The following PDE6G variants were observed in gnomAD, a reference collection of about 807,000 sequenced individuals.
PDE6G encodes the protein phosphodiesterase 6G.
A neutral mutation model predicts 10.9 loss-of-function variants in PDE6G; 10 were observed. The observed-to-expected ratio is 0.91, with a 90% CI of 0.56 to 1.55. The LOEUF (loss-of-function observed/expected upper bound fraction) is 1.55, where lower values mean the gene tolerates loss of function less well. PDE6G is among the 40% of genes most tolerant of loss of function. The probability of loss-of-function intolerance (pLI) is 0.00; values close to 1 mark genes in which losing one functional copy is unlikely to be tolerated. For synonymous variants in PDE6G, 41 were observed against 42.8 expected (o/e 0.96, Z 0.16); for missense variants, 102 against 110.1 (o/e 0.93, Z 0.33).
rs1210238041 is a variant in PDE6G at position 81,653,500 on chromosome 17, C to T, written c.-59-136G>A. 1 of 629,962 alleles carries T rather than the reference C, an allele frequency of 1.6e-6. No homozygotes were observed. The highest frequency in any genetic ancestry group is 2.8e-6 in the Non-Finnish European group (1 of 362,068). 39.0% of individuals were successfully genotyped at this position (629,962 alleles called of 1,614,324 possible). ...CATCCAGACAGCAGCCCCTGCAATCCGCCCTGGGGTAACCAGCCTGCCAGC... is the reference window on the plus strand; with the variant it reads ...CATCCAGACAGCAGCCCCTGCAATCTGCCCTGGGGTAACCAGCCTGCCAGC... On this transcript the variant is annotated intron_variant, in intron 1 of 3. Transcript: ENST00000331056. The surrounding 1 kb of genome is among the most constrained non-coding windows in gnomAD (Gnocchi z 5.2).
At chr17:81,660,667 T>A (rs2036502128), upstream of PDE6G, among the ~76,000 whole-genome samples, 2 of 152,288 alleles carry the variant, frequency 1.3e-5, no homozygotes, top group East Asian at 1.9e-4. Context: ...AATTTTTGTA[T>A]TTTTTGTAAA....
chr17:81,656,668 G>T, upstream of PDE6G: 1 of 703,206 alleles, frequency 1.4e-6, no homozygotes, highest in Non-Finnish European at 2.6e-6. Context: ...AGGGGATGGA[G>T]AGGAGGGGCT....
At chr17:81,659,500 G>A (rs1158550993), upstream of PDE6G, among the ~76,000 whole-genome samples, 1 of 151,980 alleles carries the variant, frequency 6.6e-6, no homozygotes, top group East Asian at 1.9e-4. Flanking sequence ...CAGGGAGGCT[G>A]CGGCAGGAGA....
chr17:81,653,802 G>GT lies in PDE6G; in HGVS notation c.-59-439dup, dbSNP rs1034076776. 5.5e-4 allele frequency: 90 copies of GT among 163,342 alleles called. 1 individual carries two copies. Among genetic ancestry groups the GT allele is most frequent in the South Asian group, 2.0e-3 (12 of 6,144 alleles). 10.1% of individuals were successfully genotyped at this position (163,342 alleles called of 1,614,324 possible). A position where few individuals can be genotyped will look rare whatever the true frequency, so the allele number is the denominator to read the frequency against. ...CGTCGGCATTTAACTGCTACTCTGG[G>GT]TTTTTTTTTGTTTTGTTTTGTTTTT... On this transcript the variant is annotated intron_variant, in intron 1 of 3. Transcript: ENST00000331056. This position sits in a 1 kb window ranked among gnomAD's most constrained non-coding sequence, Gnocchi z 5.2.
chr17:81,653,376 C>A lies in PDE6G; in HGVS notation c.-59-12G>T. 1 of 1,569,770 alleles carries A rather than the reference C, an allele frequency of 6.4e-7. No individual in the cohort carries two copies. Among genetic ancestry groups the A allele is most frequent in the Non-Finnish European group, 8.6e-7 (1 of 1,156,394 alleles). On this transcript the variant is annotated splice_polypyrimidine_tract_variant and intron_variant, in intron 1 of 3. Transcript: ENST00000331056. The surrounding 1 kb of genome is among the most constrained non-coding windows in gnomAD (Gnocchi z 5.2). The stretch of plus-strand genomic sequence containing the variant: ...CCTCCTGCTGCGGTCTGGGGGCAGA[C>A]CAGGCCCGGGTCCCAGTCAGCCCTC...
rs1598716876 is a variant in PDE6G, at chr17:81,651,523, G to A, written c.187+122C>T. The A allele has an allele frequency of 1.2e-6, 1 of 829,760 alleles. No individual in the cohort carries two copies. Among genetic ancestry groups the A allele is most frequent in the Admixed American group, 1.9e-5 (1 of 52,572 alleles). 51.4% of individuals were successfully genotyped at this position (829,760 alleles called of 1,614,324 possible). On this transcript the variant is annotated intron_variant, in intron 3 of 3. Transcript: ENST00000331056. This position sits in a 1 kb window ranked among gnomAD's most constrained non-coding sequence, Gnocchi z 4.8. ...GGGGAAGAAGTGATGGACAGGCTGG[G>A]GGTCCCTAAGTGAAAAGCAGGGGAG...
Position 81,653,260 on chromosome 17 carries a change from C to T in PDE6G, c.46G>A (p.Val16Met), listed in dbSNP as rs1223483053. ...PKAEFRSATR[V>M]AGGPVTPRKG... The stretch of plus-strand genomic sequence containing the variant: ...CTGGGGGTGACAGGTCCCCCGGCCA[C>T]CCTGGTGGCTGACCGGAACTCAGCC... Residue 16 changes from valine (V) to methionine (M), a missense_variant, in exon 2 of 4, where the codon GTG becomes ATG. Physicochemically the swap from Val to Met is conservative, Grantham distance 21 (BLOSUM62 1). Transcript: ENST00000331056. The surrounding 1 kb of genome is among the most constrained non-coding windows in gnomAD (Gnocchi z 5.2). 4.3e-6 allele frequency: 7 copies of T among 1,613,972 alleles called. No individual in the cohort carries two copies. The highest frequency in any genetic ancestry group is 2.7e-5 in the African/African-American group (2 of 74,924).
chr17:81,650,537 A>T lies in PDE6G; in HGVS notation c.*537T>A, dbSNP rs1187371384. ...TTGAGAAGGATGGCCCCCTGGTGTG[A>T]TGAGCTTGGGGCCTCATCTGCTCAC... On this transcript the variant is annotated 3_prime_UTR_variant, in exon 4 of 4. Transcript: ENST00000331056. 1.3e-5 allele frequency: 6 copies of T among 453,944 alleles called. No individual in the cohort carries two copies. Among genetic ancestry groups the T allele is most frequent in the Non-Finnish European group, 2.6e-5 (6 of 226,770 alleles). The allele number at this position is 453,944 out of a possible 1,614,324, so 28.1% of individuals were successfully genotyped here.
chr17:81,656,471 A>AGC (rs765940033), intron 1 of PDE6G, 22 bp downstream of exon 1: 1 of 758,102 alleles, frequency 1.3e-6, no homozygotes, highest in South Asian at 1.4e-5. Context: ...CAGGAAAGAC[A>AGC]GCGGGGTTGG....
Position 81,651,278 on chromosome 17 carries a change from TG to T in PDE6G, c.188-129del. 1.4e-6 allele frequency: 1 copy of T among 719,646 alleles called. No homozygotes were observed. Among genetic ancestry groups the T allele is most frequent in the Non-Finnish European group, 2.5e-6 (1 of 407,136 alleles). 44.6% of individuals were successfully genotyped at this position (719,646 alleles called of 1,614,324 possible). A position where few individuals can be genotyped will look rare whatever the true frequency, so the allele number is the denominator to read the frequency against. ...GTGCTGAGCGGGGACGTGCGGACGC[TG>T]GAGTGGGGCCCTCCTCTGGGGACAC... On this transcript the variant is annotated intron_variant, in intron 3 of 3. Transcript: ENST00000331056. This position sits in a 1 kb window ranked among gnomAD's most constrained non-coding sequence, Gnocchi z 4.8.
At position 81,651,314 on chromosome 17, in the gene PDE6G, G is replaced by C. The variant is rs981540382; in HGVS notation, c.188-164C>G. On this transcript the variant is annotated intron_variant, in intron 3 of 3. Coordinates refer to ENST00000331056, the MANE Select transcript of PDE6G (RefSeq NM_002602.4). This position sits in a 1 kb window ranked among gnomAD's most constrained non-coding sequence, Gnocchi z 4.8. ...CCTCCTCTGGGGACACACTGGCTGTGGGGGAAGGAGGGTGGGTGCAGCAGG... is the reference window on the plus strand; with the variant it reads ...CCTCCTCTGGGGACACACTGGCTGTCGGGGAAGGAGGGTGGGTGCAGCAGG... Among the ~76,000 whole-genome samples the C allele has an allele frequency of 1.3e-5, 2 of 152,116 alleles. No homozygotes were observed. Among genetic ancestry groups the C allele is most frequent in the Non-Finnish European group, 1.5e-5 (1 of 68,008 alleles).
Position 81,651,501 on chromosome 17 carries a change from G to A in PDE6G, c.187+144C>T, listed in dbSNP as rs2036354105. ...GTGGATCTGGAGCTCAGTGTTGGGGGAAGAAGTGATGGACAGGCTGGGGGT... is the reference window on the plus strand; with the variant it reads ...GTGGATCTGGAGCTCAGTGTTGGGGAAAGAAGTGATGGACAGGCTGGGGGT... On this transcript the variant is annotated intron_variant, in intron 3 of 3. Coordinates refer to ENST00000331056, the MANE Select transcript of PDE6G (RefSeq NM_002602.4). The surrounding 1 kb of genome is among the most constrained non-coding windows in gnomAD (Gnocchi z 4.8). The A allele has an allele frequency of 5.3e-6, 4 of 748,740 alleles. No individual in the cohort carries two copies. The highest frequency in any genetic ancestry group is 4.8e-6 in the Non-Finnish European group (2 of 420,212). 46.4% of individuals were successfully genotyped at this position (748,740 alleles called of 1,614,324 possible).
rs761084183 is a variant in PDE6G at position 81,653,769 on chromosome 17, G to A, written c.-59-405C>T. 1.2e-5 allele frequency: 2 copies of A among 173,120 alleles called. No homozygotes were observed. The highest frequency in any genetic ancestry group is 2.5e-5 in the Non-Finnish European group (2 of 80,418). The allele number at this position is 173,120 out of a possible 1,614,324, so 10.7% of individuals were successfully genotyped here. A position where few individuals can be genotyped will look rare whatever the true frequency, so the allele number is the denominator to read the frequency against. On this transcript the variant is annotated intron_variant, in intron 1 of 3. Coordinates refer to ENST00000331056, the MANE Select transcript of PDE6G (RefSeq NM_002602.4). This position sits in a 1 kb window ranked among gnomAD's most constrained non-coding sequence, Gnocchi z 5.2. ...CCTGCGTTCCCCACCCCAGGGAAGC[G>A]TGACTCCCGTCGGCATTTAACTGCT...
chr17:81,653,105 C>A lies in PDE6G; in HGVS notation c.146+55G>T. ...TCTGCCCCGCCCTCCCCTTCCTGTG[C>A]AGCCTCAGGACCGCCTCCTCCCTTT... is the stretch of plus-strand genomic sequence containing the variant. On this transcript the variant is annotated intron_variant, in intron 2 of 3. Transcript: ENST00000331056. The surrounding 1 kb of genome is among the most constrained non-coding windows in gnomAD (Gnocchi z 5.2). 1 of 1,597,140 alleles carries A rather than the reference C, an allele frequency of 6.3e-7. No homozygotes were observed.
Position 81,651,654 on chromosome 17 carries a change from G to A in PDE6G, c.178C>T (p.Leu60=). Residue 60 remains leucine (L), a synonymous_variant, in exon 3 of 4, where the codon CTG becomes TTG. Coordinates refer to ENST00000331056, the MANE Select transcript of PDE6G (RefSeq NM_002602.4). This position sits in a 1 kb window ranked among gnomAD's most constrained non-coding sequence, Gnocchi z 4.8. The part of the protein sequence containing the change: ...FGDDIPGMEG[L]GTDITVICPW... Reference sequence around the variant, plus strand: ...CTGGCAGCCGTCATACCTGTTCCCAGGCCTTCCATTCCAGGGATGTCGTCC... The same window carrying A: ...CTGGCAGCCGTCATACCTGTTCCCAAGCCTTCCATTCCAGGGATGTCGTCC... The A allele has an allele frequency of 6.2e-7, 1 of 1,614,060 alleles. No homozygotes were observed. Among genetic ancestry groups the A allele is most frequent in the Non-Finnish European group, 8.5e-7 (1 of 1,179,946 alleles).
Position 81,653,327 on chromosome 17 carries a change from G to A in PDE6G, c.-22C>T, listed in dbSNP as rs769585843. The A allele has an allele frequency of 3.1e-6, 5 of 1,609,974 alleles. No individual in the cohort carries two copies. The highest frequency in any genetic ancestry group is 2.7e-5 in the African/African-American group (2 of 74,884). ...TCATGGTGAGGCTGACGGAGACACC[G>A]CGGCAACCTTGGCTCCTGGACTCCC... is the stretch of plus-strand genomic sequence containing the variant. On this transcript the variant is annotated 5_prime_UTR_variant, in exon 2 of 4. Coordinates refer to ENST00000331056, the MANE Select transcript of PDE6G (RefSeq NM_002602.4). The surrounding 1 kb of genome is among the most constrained non-coding windows in gnomAD (Gnocchi z 5.2).
Position 81,651,713 on chromosome 17 carries a change from G to A in PDE6G, c.147-28C>T, listed in dbSNP as rs759743449. On this transcript the variant is annotated intron_variant, in intron 2 of 3. Coordinates refer to ENST00000331056, the MANE Select transcript of PDE6G (RefSeq NM_002602.4). This position sits in a 1 kb window ranked among gnomAD's most constrained non-coding sequence, Gnocchi z 4.8. ...GCAAGGACAGAGCACTCAGGGACAT[G>A]GCCGGGCCCAGTCCTGGCTCAGTCA... 7 of 1,612,944 alleles carry A rather than the reference G, an allele frequency of 4.3e-6. No homozygotes were observed. In the South Asian group the frequency reaches 7.7e-5, roughly 18 times the overall value.
rs370649579 is a variant in PDE6G at position 81,653,733 on chromosome 17, C to T, written c.-59-369G>A. 4 of 200,610 alleles carry T rather than the reference C, an allele frequency of 2.0e-5. No individual in the cohort carries two copies. The South Asian group carries it at 4.0e-4, about 20-fold the overall frequency. 12.4% of individuals were successfully genotyped at this position (200,610 alleles called of 1,614,324 possible). A position where few individuals can be genotyped will look rare whatever the true frequency, so the allele number is the denominator to read the frequency against. ...CCTGTGGGTGACCACTGACAACTTCCTGCCCCTTCCCCTGCGTTCCCCACC... is the reference window on the plus strand; with the variant it reads ...CCTGTGGGTGACCACTGACAACTTCTTGCCCCTTCCCCTGCGTTCCCCACC... On this transcript the variant is annotated intron_variant, in intron 1 of 3. Coordinates refer to ENST00000331056, the MANE Select transcript of PDE6G (RefSeq NM_002602.4). This position sits in a 1 kb window ranked among gnomAD's most constrained non-coding sequence, Gnocchi z 5.2.
At chr17:81,657,124 A>C (rs1278346220), upstream of PDE6G, 1 of 168,154 alleles carries the variant, frequency 5.9e-6, no homozygotes, top group Non-Finnish European at 1.3e-5. Context: ...CAAGAAGGTC[A>C]CAGGAGCTTA....
Sources: gnomAD v4.1 joint callset for allele counts (sites outside exome capture counted in the v4.1 genomes callset) on GRCh38, gnomAD v4.1.1 for gene constraint, Gnocchi (gnomAD v3.1) non-coding constraint, MANE v1.5 for transcripts, NCBI Gene and HGNC (gene_info 2026-07-23, HGNC 2026-07-21) for gene names.